Variants in ACTA2 observed in about 807,000 individuals in gnomAD.
ACTA2 encodes actin, aortic smooth muscle.
Under a neutral mutation model 39.5 loss-of-function variants are expected in ACTA2, and 12 were observed. The observed-to-expected ratio is 0.30, with a 90% confidence interval of 0.19 to 0.49. The LOEUF (loss-of-function observed/expected upper bound fraction) is 0.49, where lower values mean the gene tolerates loss of function less well. ACTA2 is among the 20% of genes least tolerant of loss of function. The pLI, the probability that ACTA2 is intolerant of heterozygous loss-of-function variation, is 0.99. For missense variants in ACTA2, 236 were observed against 498.8 expected (o/e 0.47, Z 5.02); for synonymous variants, 158 against 180.6 (o/e 0.88, Z 1.00).
At chr10:88,937,940 A>C (rs1319802579) in intron 8 of ACTA2, 121 bp downstream of exon 8, 1 of 1,112,752 alleles carries the variant, frequency 9.0e-7, no homozygotes, top group Non-Finnish European at 1.3e-6. Context: ...TGTGTCCATT[A>C]CCTACCCCTA....
intron 8 of ACTA2, among the ~76,000 whole-genome samples, chr10:88,937,353 A>G (rs1242294010): frequency 6.6e-6 from 1 of 152,212 alleles, no homozygotes; most frequent in African/African-American, 2.4e-5. Flanking sequence ...AGAGGGTCCC[A>G]AGTGTGGCCT....
intron 1 of ACTA2, among the ~76,000 whole-genome samples, chr10:88,986,000 A>AT (rs1425520542): frequency 1.3e-5 from 2 of 152,184 alleles, no homozygotes; most frequent in Non-Finnish European, 2.9e-5. Flanking sequence ...AGGAATGCTG[A>AT]TTTTCCATTT....
chr10:88,984,676 T>C (rs1226831560), intron 1 of ACTA2, among the ~76,000 whole-genome samples: 1 of 151,662 alleles, frequency 6.6e-6, no homozygotes, highest in Non-Finnish European at 1.5e-5. Context: ...CTTGACTTCT[T>C]ATGTTTAGTT....
chr10:88,959,014 C>G (rs1256833457), intron 1 of ACTA2, among the ~76,000 whole-genome samples: 2 of 152,140 alleles, frequency 1.3e-5, no homozygotes, highest in African/African-American at 4.8e-5. Context: ...AGACCACAAA[C>G]AAGCCATTTA....
intron 1 of ACTA2, among the ~76,000 whole-genome samples, chr10:88,982,817 C>T (rs1846743620): frequency 6.6e-6 from 1 of 152,040 alleles, no homozygotes; most frequent in African/African-American, 2.4e-5. Flanking sequence ...TGTTGATTTC[C>T]CTACATTTCC....
At position 88,935,086 on chromosome 10, in the gene ACTA2, T is replaced by C. The variant is rs1248531589; in HGVS notation, c.*137A>G. ...CCAACGCAAGAAGTTACCAGTAGCC[T>C]ATTTCAGATTTATTAAAAAACACAT... is the stretch of plus-strand genomic sequence containing the variant. On this transcript the variant is annotated 3_prime_UTR_variant, in exon 9 of 9. Transcript: ENST00000224784. 3 of 1,257,130 alleles carry C rather than the reference T, an allele frequency of 2.4e-6. No individual in the cohort carries two copies. Among genetic ancestry groups the C allele is most frequent in the South Asian group, 2.6e-5 (2 of 75,610 alleles). The allele number at this position is 1,257,130 out of a possible 1,614,324, so 77.9% of individuals were successfully genotyped here.
chr10:88,964,666 C>T (rs548353836), intron 1 of ACTA2, among the ~76,000 whole-genome samples: 3 of 152,192 alleles, frequency 2.0e-5, no homozygotes, highest in African/African-American at 7.2e-5. Flanking sequence ...ATCTACTTCT[C>T]GATTGCTTTC....
chr10:88,978,552 G>A (rs1489155968), intron 1 of ACTA2, among the ~76,000 whole-genome samples: 2 of 152,290 alleles, frequency 1.3e-5, no homozygotes, highest in East Asian at 3.9e-4. Context: ...TTGGAAAGTG[G>A]TAAGAGAGAG....
chr10:88,969,703 T>A (rs1050208715), intron 1 of ACTA2, among the ~76,000 whole-genome samples: 3 of 152,224 alleles, frequency 2.0e-5, no homozygotes, highest in Non-Finnish European at 4.4e-5. Flanking sequence ...TCATATACGT[T>A]AATAGCACTC....
intron 1 of ACTA2, among the ~76,000 whole-genome samples, chr10:88,978,694 T>G (rs1432925685): frequency 1.3e-5 from 2 of 152,136 alleles, no homozygotes; most frequent in Non-Finnish European, 2.9e-5. Context: ...TCACCCTACT[T>G]CAGGGAACTG....
chr10:88,939,775 T>A (rs1845814959), intron 6 of ACTA2, 77 bp from the exon 7 acceptor site: 1 of 1,457,308 alleles, frequency 6.9e-7, no homozygotes, highest in Admixed American at 1.7e-5. Flanking sequence ...CCTACTGCAG[T>A]CTCTCCCTCA....
intron 1 of ACTA2, among the ~76,000 whole-genome samples, chr10:88,964,761 T>C (rs1846291622): frequency 6.6e-6 from 1 of 152,174 alleles, no homozygotes; most frequent in African/African-American, 2.4e-5. Context: ...CTACATATCT[T>C]GTACCAACTG....
At chr10:88,984,199 G>T (rs577590625) in intron 1 of ACTA2, among the ~76,000 whole-genome samples, 22 of 152,314 alleles carry the variant, frequency 1.4e-4, no homozygotes, top group South Asian at 6.2e-4. Context: ...TCTAACAACT[G>T]CAAAGTGTTC....
At chr10:88,957,860 C>T (rs187837432) in intron 1 of ACTA2, among the ~76,000 whole-genome samples, 5 of 152,204 alleles carry the variant, frequency 3.3e-5, no homozygotes, top group East Asian at 3.9e-4. Context: ...AACCGCCTAC[C>T]GGGTTCAAGT....
chr10:88,990,848 C>G lies in ACTA2; in HGVS notation c.-24+91G>C, dbSNP rs1847133117. 1 of 1,614,116 alleles carries G rather than the reference C, an allele frequency of 6.2e-7. No individual in the cohort carries two copies. Among genetic ancestry groups the G allele is most frequent in the African/African-American group, 1.3e-5 (1 of 74,954 alleles). Reference sequence around the variant, plus strand: ...CGCTCAGTACGGAGTTGGGGAAGCTCTTTCACTTCGGAGGATTGCTCAACA... The same window carrying G: ...CGCTCAGTACGGAGTTGGGGAAGCTGTTTCACTTCGGAGGATTGCTCAACA... On this transcript the variant is annotated intron_variant, in intron 1 of 4. Coordinates refer to the ACTA2 transcript ENST00000415557. This position sits in a 1 kb window ranked among gnomAD's most constrained non-coding sequence, Gnocchi z 4.9.
At chr10:88,989,791 C>A (rs1564668421) in intron 1 of ACTA2, among the ~76,000 whole-genome samples, 2 of 151,770 alleles carry the variant, frequency 1.3e-5, no homozygotes, top group Non-Finnish European at 1.5e-5. Context: ...GAGTGAGGTG[C>A]AGAGCTTGGT....
chr10:88,957,538 C>T (rs902012264), upstream of ACTA2, among the ~76,000 whole-genome samples: 3 of 152,158 alleles, frequency 2.0e-5, no homozygotes, highest in African/African-American at 2.4e-5. Context: ...CAACTCACAA[C>T]TAATATGTGC....
intron 1 of ACTA2, among the ~76,000 whole-genome samples, chr10:88,964,303 C>A (rs1846285093): frequency 6.6e-6 from 1 of 151,952 alleles, no homozygotes; most frequent in South Asian, 2.1e-4. Context: ...TGGGAGATAC[C>A]CAGGGAATGA....
At chr10:88,958,884 G>A (rs948713251) in intron 1 of ACTA2, among the ~76,000 whole-genome samples, 2 of 152,082 alleles carry the variant, frequency 1.3e-5, no homozygotes, top group African/African-American at 2.4e-5. Context: ...GAGACTTTCA[G>A]TGCCTTAAAA....
Sources: gnomAD v4.1 joint callset for allele counts (sites outside exome capture counted in the v4.1 genomes callset) on GRCh38, gnomAD v4.1.1 for gene constraint, Gnocchi (gnomAD v3.1) non-coding constraint, MANE v1.5 for transcripts, NCBI Gene and HGNC (gene_info 2026-07-23, HGNC 2026-07-21) for gene names.